Variants in GPHN observed in about 807,000 individuals in gnomAD.
The protein encoded by GPHN is gephyrin.
In GPHN, 17 loss-of-function variants were observed where a neutral mutation model predicts 95.5. The observed-to-expected ratio is 0.18, with a 90% CI of 0.12 to 0.27. GPHN has a LOEUF of 0.27. Among genes scored for constraint, GPHN ranks in the 10% least tolerant of loss-of-function variants. The probability of loss-of-function intolerance (pLI) is 1.00; values close to 1 mark genes in which losing one functional copy is unlikely to be tolerated. For missense variants in GPHN, 660 were observed against 978.1 expected, an observed-to-expected ratio of 0.67 and a Z score of 4.34; for synonymous variants, 320 against 322.5, an observed-to-expected ratio of 0.99 and a Z score of 0.08.
chr14:67,112,921 C>CTAGAAAAGGACA (rs2153686819), intron 15 of GPHN, 97 bp from the exon 16 acceptor site: 1 of 1,065,198 alleles, frequency 9.4e-7, no homozygotes, highest in African/African-American at 1.6e-5. Context: ...ACTTTTTTGT[C>CTAGAAAAGGACA]TTCTTGAATG....
the GPHN span, among the ~76,000 whole-genome samples, chr14:67,196,452 C>T: frequency 2.0e-3 from 308 of 152,240 alleles, 2 homozygotes; most frequent in African/African-American, 7.1e-3. Context: ...GAACTCCTGA[C>T]CTAAGGTGAT....
the GPHN span, among the ~76,000 whole-genome samples, chr14:67,547,253 T>A: frequency 2.6e-5 from 4 of 152,028 alleles, no homozygotes; most frequent in Non-Finnish European, 5.9e-5. Flanking sequence ...GTGGGAGACT[T>A]AAGAAAAGGG....
intron 3 of GPHN, among the ~76,000 whole-genome samples, chr14:66,815,749 A>G (rs773415679): frequency 6.6e-6 from 1 of 152,196 alleles, no homozygotes; most frequent in Non-Finnish European, 1.5e-5. Flanking sequence ...AAGCAACCAC[A>G]TATGTCTGCA....
intron 5 of GPHN, among the ~76,000 whole-genome samples, chr14:66,886,122 A>G (rs2064175435): frequency 6.6e-6 from 1 of 152,202 alleles, no homozygotes; most frequent in Non-Finnish European, 1.5e-5. Flanking sequence ...AAAAGTAAAT[A>G]TCAATAAATA....
intron 4 of GPHN, among the ~76,000 whole-genome samples, chr14:66,837,636 A>G (rs1329371104): frequency 6.7e-6 from 1 of 148,726 alleles, no homozygotes; most frequent in East Asian, 1.9e-4. Flanking sequence ...TAAATAAATA[A>G]ATAAATAAAT....
At chr14:66,978,126 G>A (rs544317459) in intron 9 of GPHN, among the ~76,000 whole-genome samples, 22 of 152,280 alleles carry the variant, frequency 1.4e-4, no homozygotes, top group Admixed American at 9.8e-4. Flanking sequence ...GTCCTAAACC[G>A]TTATTACAAT....
chr14:66,607,543 C>T (rs1454005772), intron 1 of GPHN, among the ~76,000 whole-genome samples: 1 of 151,672 alleles, frequency 6.6e-6, no homozygotes, highest in African/African-American at 2.4e-5. Flanking sequence ...AGTCCCTCCT[C>T]CTCAATTTTT....
At chr14:66,766,443 A>T (rs1258909024) in intron 2 of GPHN, among the ~76,000 whole-genome samples, 2 of 152,162 alleles carry the variant, frequency 1.3e-5, no homozygotes, top group South Asian at 2.1e-4. Flanking sequence ...GATATTTACT[A>T]GTTACTCATT....
chr14:66,789,294 A>C (rs2059891026), intron 3 of GPHN, among the ~76,000 whole-genome samples: 1 of 152,236 alleles, frequency 6.6e-6, no homozygotes, highest in South Asian at 2.1e-4. Flanking sequence ...TACCAAAAGC[A>C]CATCTTACTT....
the GPHN span, among the ~76,000 whole-genome samples, chr14:67,375,066 C>T: frequency 0.012 from 1,842 of 152,218 alleles, 18 homozygotes; most frequent in Non-Finnish European, 0.018. Flanking sequence ...CCTCCACTAG[C>T]GTGTTAGGAT....
At chr14:67,001,715 AAAAT>A (rs750697343) in intron 9 of GPHN, among the ~76,000 whole-genome samples, 5 of 151,822 alleles carry the variant, frequency 3.3e-5, no homozygotes, top group Non-Finnish European at 4.4e-5. Flanking sequence ...GCTTTGGCCA[AAAAT>A]AAATAAATAA....
At chr14:67,088,907 T>C (rs2077016580) in intron 11 of GPHN, 76 bp from the exon 12 acceptor site, 1 of 815,484 alleles carries the variant, frequency 1.2e-6, no homozygotes, top group Admixed American at 1.8e-5. Flanking sequence ...CAAGCACTCA[T>C]GCCCATCTTG....
chr14:67,259,510 G>T, the GPHN span, among the ~76,000 whole-genome samples: 1 of 152,102 alleles, frequency 6.6e-6, no homozygotes, highest in East Asian at 1.9e-4. Context: ...TACTCAGGAG[G>T]CTGAGGCAGG....
intron 9 of GPHN, among the ~76,000 whole-genome samples, chr14:66,991,316 G>T (rs1019118032): frequency 1.3e-5 from 2 of 152,004 alleles, no homozygotes; most frequent in African/African-American, 4.8e-5. Flanking sequence ...CAAATCCTTA[G>T]ATTGGTGATG....
the GPHN span, among the ~76,000 whole-genome samples, chr14:67,331,443 TG>T: frequency 1.5e-3 from 222 of 152,214 alleles, 1 homozygote; most frequent in Non-Finnish European, 1.9e-3. Context: ...AAGAAAATGA[TG>T]GCGTTACAAA....
chr14:66,877,265 C>T (rs1458445761), intron 4 of GPHN, among the ~76,000 whole-genome samples: 1 of 152,138 alleles, frequency 6.6e-6, no homozygotes, highest in Non-Finnish European at 1.5e-5. Context: ...TTATGACAAG[C>T]CCACAGCCAA....
At chr14:67,716,474 C>T in the GPHN span, among the ~76,000 whole-genome samples, 5 of 152,282 alleles carry the variant, frequency 3.3e-5, no homozygotes, top group South Asian at 2.1e-4. Flanking sequence ...TGAAATGTTA[C>T]GCTTCTTGAT....
the GPHN span, chr14:67,393,040 GC>G: frequency 2.9e-5 from 28 of 950,208 alleles, no homozygotes; most frequent in African/African-American, 1.3e-4. Flanking sequence ...CTAGCCTGTT[GC>G]CCAGCAGGCA....
chr14:66,771,460 A>G (rs1231486291), intron 2 of GPHN, among the ~76,000 whole-genome samples: 1 of 152,224 alleles, frequency 6.6e-6, no homozygotes, highest in Non-Finnish European at 1.5e-5. Flanking sequence ...TCGCTCGACC[A>G]GTTACCGCAC....
Sources: allele counts gnomAD v4.1 joint callset (sites outside exome capture counted in the v4.1 genomes callset), GRCh38; gene constraint gnomAD v4.1.1; transcripts MANE v1.5; gene names NCBI Gene and HGNC (gene_info 2026-07-23, HGNC 2026-07-21).